ANXA6: variants seen among roughly 807,000 people sequenced by gnomAD.
ANXA6 encodes the protein 67 kDa calelectrin.
ANXA6 carries 71 observed loss-of-function variants against 95.4 expected under a neutral mutation model. The ratio of observed to expected loss-of-function variants is 0.74; its 90% CI spans 0.61 to 0.91. The LOEUF is 0.91. Among genes scored for constraint, ANXA6 ranks in the 40% least tolerant of loss-of-function variants. ANXA6 has a pLI of 0.00. For missense variants in ANXA6, 830 were observed against 876.4 expected, an observed-to-expected ratio of 0.95 and a Z score of 0.67; for synonymous variants, 289 against 315.9, an observed-to-expected ratio of 0.91 and a Z score of 0.90.
Position 151,137,277 on chromosome 5 carries a change from G to T in ANXA6, c.363C>A (p.Ser121=). Residue 121 remains serine, a synonymous_variant, in exon 6 of 26, where the codon TCC becomes TCA. Coordinates refer to ENST00000354546, the MANE Select transcript of ANXA6 (RefSeq NM_001155.5). The part of the protein sequence containing the change: ...DEKCLIEILA[S]RTNEQMHQLV... ...GCTGGTGCATCTGCTCATTGGTCCG[G>T]GAAGCCAAGATCTCAATGAGGCACT... 1 of 1,613,626 alleles carries T rather than the reference G, an allele frequency of 6.2e-7. No homozygotes were observed. Among genetic ancestry groups the T allele is most frequent in the Non-Finnish European group, 8.5e-7 (1 of 1,179,810 alleles).
chr5:151,109,892 G>A (rs1764802774), intron 21 of ANXA6, 46 bp from the exon 22 acceptor site: 1 of 1,380,960 alleles, frequency 7.2e-7, no homozygotes, highest in East Asian at 2.4e-5. Flanking sequence ...GGAGACATGA[G>A]AAAGCCTTGG....
intron 2 of ANXA6, among the ~76,000 whole-genome samples, chr5:151,142,649 C>T (rs1037545133): frequency 1.3e-5 from 2 of 152,206 alleles, no homozygotes; most frequent in African/African-American, 4.8e-5. Flanking sequence ...CGTGGAGCCC[C>T]AGCTCTAGCA....
chr5:151,105,359 C>A, intron 23 of ANXA6, 56 bp from the exon 24 acceptor site: 3 of 1,545,756 alleles, frequency 1.9e-6, no homozygotes, highest in Non-Finnish European at 1.8e-6. Flanking sequence ...TGAACCCAGA[C>A]TCTGGACCGG....
At chr5:151,136,596 T>C (rs1582008324) in intron 6 of ANXA6, among the ~76,000 whole-genome samples, 1 of 152,114 alleles carries the variant, frequency 6.6e-6, no homozygotes, top group African/African-American at 2.4e-5. Context: ...TTTCCGATGG[T>C]TCTCTCCTCC....
intron 2 of ANXA6, among the ~76,000 whole-genome samples, chr5:151,142,073 G>A (rs966683042): frequency 6.6e-6 from 1 of 152,184 alleles, no homozygotes. Flanking sequence ...CGAAACAACT[G>A]GGGTCCTCCA....
chr5:151,155,869 C>T (rs1766224293), intron 1 of ANXA6, among the ~76,000 whole-genome samples: 1 of 152,154 alleles, frequency 6.6e-6, no homozygotes, highest in Admixed American at 6.5e-5. Context: ...GGGGCTGGGT[C>T]CGAGGCTGGA....
chr5:151,152,034 C>G (rs1766120498), intron 1 of ANXA6, among the ~76,000 whole-genome samples: 1 of 152,162 alleles, frequency 6.6e-6, no homozygotes, highest in Non-Finnish European at 1.5e-5. Flanking sequence ...TTCGAGAGTT[C>G]CAGGCTGACT....
Position 151,129,484 on chromosome 5 carries a change from G to A in ANXA6, c.841C>T (p.Arg281Cys). Residue 281 changes from arginine to cysteine, a missense_variant, in exon 12 of 26, where the codon CGT becomes TGT. Coordinates refer to ENST00000354546, the MANE Select transcript of ANXA6 (RefSeq NM_001155.5). ...ATGTCGAGCATGTCCAACTCACTAC[G>A]GGAGACCATGATGCGGATCAGGGTG... ...DNTLIRIMVS[R>C]SELDMLDIRE... The A allele has an allele frequency of 2.5e-6, 4 of 1,612,082 alleles. No homozygotes were observed. Among genetic ancestry groups the A allele is most frequent in the South Asian group, 1.1e-5 (1 of 90,638 alleles).
chr5:151,147,059 C>T (rs1349534463), intron 2 of ANXA6, among the ~76,000 whole-genome samples: 1 of 152,200 alleles, frequency 6.6e-6, no homozygotes, highest in Non-Finnish European at 1.5e-5. Flanking sequence ...AGGTGAGAGT[C>T]ACCGTGCCCA....
At chr5:151,137,172 T>C in intron 6 of ANXA6, 59 bp downstream of exon 6, 1 of 1,431,844 alleles carries the variant, frequency 7.0e-7, no homozygotes, top group Non-Finnish European at 9.8e-7. Context: ...GTCCCCACTG[T>C]TGCAATCATC....
At chr5:151,118,331 G>T (rs1765063363) in intron 18 of ANXA6, among the ~76,000 whole-genome samples, 4 of 151,588 alleles carry the variant, frequency 2.6e-5, no homozygotes, top group Admixed American at 1.3e-4. Flanking sequence ...CATGATCAAG[G>T]CTCACTACAG....
chr5:151,151,975 C>T (rs551541118), intron 1 of ANXA6, among the ~76,000 whole-genome samples: 1 of 152,190 alleles, frequency 6.6e-6, no homozygotes, highest in African/African-American at 2.4e-5. Context: ...TGTGGCCACC[C>T]CTTGCCTCAT....
intron 25 of ANXA6, among the ~76,000 whole-genome samples, chr5:151,101,840 C>T (rs1245929023): frequency 6.6e-6 from 1 of 152,216 alleles, no homozygotes; most frequent in African/African-American, 2.4e-5. Context: ...CAACATGCCC[C>T]TGTGCACCCC....
intron 18 of ANXA6, among the ~76,000 whole-genome samples, chr5:151,118,558 T>TG (rs1765071455): frequency 3.3e-5 from 5 of 152,116 alleles, no homozygotes; most frequent in Admixed American, 3.3e-4. Context: ...CTCAGCCTCC[T>TG]AAGTAGCTGG....
intron 23 of ANXA6, among the ~76,000 whole-genome samples, chr5:151,105,543 GC>G (rs1756117607): frequency 6.6e-6 from 1 of 152,180 alleles, no homozygotes; most frequent in Non-Finnish European, 1.5e-5. Context: ...GGTGCTTACA[GC>G]TAACCAAGGT....
chr5:151,103,880 A>T (rs1764619396), intron 24 of ANXA6, among the ~76,000 whole-genome samples, 188 bp from the exon 25 acceptor site: 1 of 152,228 alleles, frequency 6.6e-6, no homozygotes, highest in African/African-American at 2.4e-5. Context: ...CCAGACTGAC[A>T]CGCAAAAAAG....
At chr5:151,116,992 A>G in intron 20 of ANXA6, 135 bp downstream of exon 20, 2 of 653,174 alleles carry the variant, frequency 3.1e-6, no homozygotes, top group Non-Finnish European at 4.9e-6. Context: ...CAGTCTAAGT[A>G]TCAACCAATC....
At chr5:151,135,006 C>T (rs1195180724) in intron 7 of ANXA6, among the ~76,000 whole-genome samples, 1 of 152,232 alleles carries the variant, frequency 6.6e-6, no homozygotes, top group Non-Finnish European at 1.5e-5. Flanking sequence ...CCTAATGGTG[C>T]TTCTGTTGTT....
intron 2 of ANXA6, among the ~76,000 whole-genome samples, chr5:151,144,637 T>C (rs1422497223): frequency 2.6e-5 from 4 of 152,096 alleles, no homozygotes; most frequent in Non-Finnish European, 5.9e-5. Context: ...CCTCATACAA[T>C]GTGGGTGGTC....
Sources: gnomAD v4.1 joint callset for allele counts (sites outside exome capture counted in the v4.1 genomes callset) on GRCh38, gnomAD v4.1.1 for gene constraint, MANE v1.5 for transcripts, NCBI Gene and HGNC (gene_info 2026-07-23, HGNC 2026-07-21) for gene names.